The following FBXO31 variants were observed in gnomAD, a reference collection of about 807,000 sequenced individuals.
FBXO31 encodes F-box only protein 31.
Under a neutral mutation model 54.4 loss-of-function variants are expected in FBXO31, and 24 were observed. The observed-to-expected ratio is 0.44, with a 90% CI of 0.32 to 0.62. The LOEUF is 0.62. Among genes scored for constraint, FBXO31 ranks in the 20% least tolerant of loss-of-function variants. FBXO31 has a pLI of 0.05. For synonymous variants in FBXO31, 388 were observed against 335.6 expected (o/e 1.16, Z -1.71); for missense variants, 665 against 787.1 (o/e 0.84, Z 1.86).
intron 1 of FBXO31, among the ~76,000 whole-genome samples, chr16:87,381,636 A>G (rs1907081620): frequency 6.6e-6 from 1 of 152,236 alleles, no homozygotes; most frequent in Non-Finnish European, 1.5e-5. Flanking sequence ...CTTCTCATGC[A>G]GACCTCCTTG....
intron 1 of FBXO31, among the ~76,000 whole-genome samples, chr16:87,368,466 C>G (rs761112955): frequency 6.6e-6 from 1 of 152,190 alleles, no homozygotes; most frequent in African/African-American, 2.4e-5. Flanking sequence ...TCCAGAAAGA[C>G]TGGCAAGTGA....
intron 1 of FBXO31, among the ~76,000 whole-genome samples, chr16:87,374,011 A>C (rs1481710390): frequency 1.3e-5 from 2 of 152,140 alleles, no homozygotes; most frequent in Non-Finnish European, 2.9e-5. Context: ...AGACCAAGGC[A>C]GGAGGTTCCC....
At position 87,358,223 on chromosome 16, in the gene FBXO31, G is replaced by C. The variant is rs2150684631; in HGVS notation, c.412+2072C>G. On this transcript the variant is annotated intron_variant, in intron 2 of 8. Transcript: ENST00000311635. The surrounding 1 kb of genome is among the most constrained non-coding windows in gnomAD (Gnocchi z 4.0). The stretch of plus-strand genomic sequence containing the variant: ...AATGCAGCCTGGGTCCAACACACAG[G>C]TGTGATCTCTGTCACAGCTGAAGCA... Among the ~76,000 whole-genome samples the C allele has an allele frequency of 6.6e-6, 1 of 152,276 alleles. No individual in the cohort carries two copies. Among genetic ancestry groups the C allele is most frequent in the Non-Finnish European group, 1.5e-5 (1 of 68,022 alleles).
intron 1 of FBXO31, among the ~76,000 whole-genome samples, chr16:87,381,888 G>A (rs1907094871): frequency 6.6e-6 from 1 of 152,022 alleles, no homozygotes; most frequent in African/African-American, 2.4e-5. Context: ...GCCGGGCACG[G>A]TGGCACGCAT....
chr16:87,341,655 C>CAAAAA (rs397854967), intron 5 of FBXO31, among the ~76,000 whole-genome samples: 3 of 70,678 alleles, frequency 4.2e-5, no homozygotes, highest in African/African-American at 1.0e-4. Context: ...GACTCCGTCT[C>CAAAAA]AAAAAAAAAA....
At chr16:87,385,359 G>C (rs2150703196), upstream of FBXO31, among the ~76,000 whole-genome samples, 1 of 152,098 alleles carries the variant, frequency 6.6e-6, no homozygotes, top group South Asian at 2.1e-4. Context: ...TCGGGAGGCT[G>C]AGGCAGGAGA....
intron 1 of FBXO31, among the ~76,000 whole-genome samples, chr16:87,369,215 C>G (rs1906492965): frequency 1.3e-5 from 2 of 151,902 alleles, no homozygotes; most frequent in Admixed American, 6.6e-5. Context: ...TACCATTTTA[C>G]CCACTGTTGA....
At chr16:87,384,560 G>A (rs180948064), upstream of FBXO31, among the ~76,000 whole-genome samples, 1 of 152,254 alleles carries the variant, frequency 6.6e-6, no homozygotes, top group African/African-American at 2.4e-5. Flanking sequence ...GCCGCTGAGC[G>A]GGGTCGTCTC....
rs1316446840 is a variant in FBXO31, at chr16:87,346,585, G to A, written c.489+589C>T. On this transcript the variant is annotated intron_variant, in intron 3 of 8. Coordinates refer to ENST00000311635, the MANE Select transcript of FBXO31 (RefSeq NM_024735.5). The surrounding 1 kb of genome is among the most constrained non-coding windows in gnomAD (Gnocchi z 4.2). ...CTCAGACCCCAACGGCAAGCAGGCTGCCGGGAGAAGGGAAACGGAGACGAC... is the reference window on the plus strand; with the variant it reads ...CTCAGACCCCAACGGCAAGCAGGCTACCGGGAGAAGGGAAACGGAGACGAC... Among the ~76,000 whole-genome samples, 1 of 152,216 alleles carries A rather than the reference G, an allele frequency of 6.6e-6. No individual in the cohort carries two copies. The highest frequency in any genetic ancestry group is 6.5e-5 in the Admixed American group (1 of 15,288).
chr16:87,337,451 G>A (rs754439204), intron 5 of FBXO31, among the ~76,000 whole-genome samples: 7 of 152,184 alleles, frequency 4.6e-5, no homozygotes, highest in Admixed American at 1.3e-4. Flanking sequence ...AAATTCCTAC[G>A]GAAAAGCAAA....
intron 1 of FBXO31, among the ~76,000 whole-genome samples, chr16:87,373,921 G>T (rs1906710242): frequency 1.3e-5 from 2 of 152,108 alleles, no homozygotes; most frequent in Non-Finnish European, 2.9e-5. Context: ...TTTTCAACTT[G>T]TGACAGGATT....
intron 1 of FBXO31, among the ~76,000 whole-genome samples, chr16:87,372,316 C>G (rs570845619): frequency 6.6e-6 from 1 of 152,238 alleles, no homozygotes; most frequent in Non-Finnish European, 1.5e-5. Flanking sequence ...GGATGATATT[C>G]AACTTGCAAA....
At chr16:87,334,646 G>A (rs1283978679) in intron 7 of FBXO31, among the ~76,000 whole-genome samples, 2 of 152,268 alleles carry the variant, frequency 1.3e-5, no homozygotes, top group African/African-American at 4.8e-5. Flanking sequence ...ACTCCGTGAG[G>A]AGTCCAGGAG....
rs1396902514 is a variant in FBXO31, at chr16:87,383,548, G to A, written c.197C>T (p.Ser66Leu). 1 of 1,561,782 alleles carries A rather than the reference G, an allele frequency of 6.4e-7. No individual in the cohort carries two copies. The highest frequency in any genetic ancestry group is 8.6e-7 in the Non-Finnish European group (1 of 1,159,874). Residue 66 changes from serine to leucine, a missense_variant, in exon 1 of 9, where the codon TCG becomes TTG. This residue lies in a region of FBXO31 where 195 missense variants were observed against 174.8 expected (regional missense o/e 1.12). Coordinates refer to ENST00000311635, the MANE Select transcript of FBXO31 (RefSeq NM_024735.5). This position sits in a 1 kb window ranked among gnomAD's most constrained non-coding sequence, Gnocchi z 4.9. ...AGPSPPPPRC[S>L]LLELPPELLV... ...CAGCTCGGGCGGCAGCTCCAGCAGC[G>A]AGCAGCGCGGGGGCGGCGGCGAGGG... is the stretch of plus-strand genomic sequence containing the variant.
At chr16:87,343,531 G>A in intron 4 of FBXO31, 67 bp downstream of exon 4, 1 of 1,529,068 alleles carries the variant, frequency 6.5e-7, no homozygotes. Flanking sequence ...TAGCACGGCA[G>A]GCCTGGCTGG....
Position 87,338,232 on chromosome 16 carries a change from A to G in FBXO31, c.733-1968T>C, listed in dbSNP as rs57347061. ...CTCATCAGAGCAACACATACAAGCC[A>G]CAAGAAAAAAAAAAAAACAGGGAGC... On this transcript the variant is annotated intron_variant, in intron 5 of 8. Transcript: ENST00000311635. This position sits in a 1 kb window ranked among gnomAD's most constrained non-coding sequence, Gnocchi z 4.3. Among the ~76,000 whole-genome samples the G allele has an allele frequency of 1.8e-3, 270 of 151,122 alleles. 2 individuals are homozygous for G. The highest frequency in any genetic ancestry group is 6.1e-3 in the African/African-American group (249 of 40,748).
chr16:87,343,829 A>G, intron 3 of FBXO31, 64 bp from the exon 4 acceptor site: 3 of 1,572,566 alleles, frequency 1.9e-6, no homozygotes, highest in Non-Finnish European at 2.6e-6. Context: ...GCGGCCCCGC[A>G]CGGCTCCCCG....
chr16:87,369,248 G>A (rs139327839), intron 1 of FBXO31, among the ~76,000 whole-genome samples: 1,529 of 152,106 alleles, frequency 0.01, 14 homozygotes, highest in Non-Finnish European at 0.015. Flanking sequence ...CGGGGACTCA[G>A]CACCTCCATA....
chr16:87,347,946 C>T (rs1317955749), intron 2 of FBXO31, among the ~76,000 whole-genome samples: 2 of 152,240 alleles, frequency 1.3e-5, no homozygotes, highest in Non-Finnish European at 2.9e-5. Context: ...ATGTCACACT[C>T]GCTGAAGGCC....
Sources: allele counts gnomAD v4.1 joint callset (sites outside exome capture counted in the v4.1 genomes callset), GRCh38; gene constraint gnomAD v4.1.1; regional missense constraint gnomAD v4.1.1; non-coding constraint Gnocchi (gnomAD v3.1); transcripts MANE v1.5; gene names NCBI Gene and HGNC (gene_info 2026-07-23, HGNC 2026-07-21).